PRR20G: variants seen among roughly 807,000 people sequenced by gnomAD.
PRR20G encodes the protein proline rich 20G.
intron 2 of PRR20G, among the ~76,000 whole-genome samples, chr3:127,287,052 G>A (rs997096160): frequency 6.6e-5 from 10 of 152,074 alleles, no homozygotes; most frequent in South Asian, 2.1e-4. Flanking sequence ...CTACTCTAGC[G>A]GGAAGACCAT....
At chr3:127,287,093 A>T (rs2080391349) in intron 2 of PRR20G, among the ~76,000 whole-genome samples, 1 of 152,168 alleles carries the variant, frequency 6.6e-6, no homozygotes, top group Non-Finnish European at 1.5e-5. Context: ...AAGAAATAGC[A>T]GTAGGGTACG....
At chr3:127,286,014 T>C (rs1317825675) in intron 2 of PRR20G, among the ~76,000 whole-genome samples, 1 of 152,136 alleles carries the variant, frequency 6.6e-6, no homozygotes, top group Non-Finnish European at 1.5e-5. Flanking sequence ...CATGGAAATT[T>C]TGGAGGATAA....
rs2080373188 is a variant in PRR20G at position 127,283,853 on chromosome 3, C to A, written c.*207G>T. 6.6e-6 allele frequency among the ~76,000 whole-genome samples: 1 copy of A among 152,080 alleles called. No individual in the cohort carries two copies. Among genetic ancestry groups the A allele is most frequent in the Non-Finnish European group, 1.5e-5 (1 of 68,036 alleles). On this transcript the variant is annotated 3_prime_UTR_variant, in exon 3 of 3. Coordinates refer to ENST00000465482, the MANE Select transcript of PRR20G (RefSeq NM_001362810.2). ...GCATGTGTATTTTTGACAGAACATA[C>A]AAAGCGGAGGCAAGAGGGGAATTGG... is the stretch of plus-strand genomic sequence containing the variant.
At chr3:127,286,015 T>C (rs542503428) in intron 2 of PRR20G, among the ~76,000 whole-genome samples, 2 of 152,266 alleles carry the variant, frequency 1.3e-5, no homozygotes, top group East Asian at 3.9e-4. Flanking sequence ...ATGGAAATTT[T>C]GGAGGATAAA....
At chr3:127,286,121 G>C (rs1274413516) in intron 2 of PRR20G, among the ~76,000 whole-genome samples, 1 of 152,116 alleles carries the variant, frequency 6.6e-6, no homozygotes, top group African/African-American at 2.4e-5. Context: ...TTGTTACTGA[G>C]ACACATCCCC....
At chr3:127,285,333 G>A (rs541389250) in intron 2 of PRR20G, among the ~76,000 whole-genome samples, 31 of 152,260 alleles carry the variant, frequency 2.0e-4, no homozygotes, top group South Asian at 6.2e-4. Context: ...AGGCAAAGGC[G>A]GGAGAGGATT....
Position 127,287,968 on chromosome 3 carries a change from C to A in PRR20G, c.-97G>T, listed in dbSNP as rs921710255. Among the ~76,000 whole-genome samples the A allele has an allele frequency of 5.3e-5, 8 of 152,074 alleles. No individual in the cohort carries two copies. The highest frequency in any genetic ancestry group is 2.1e-4 in the South Asian group (1 of 4,818). On this transcript the variant is annotated 5_prime_UTR_variant, in exon 1 of 3. Transcript: ENST00000465482. ...GATCACGGCTATGGCTCCGACGTCG[C>A]CCTCAAATGCGCCCCCTACCAGGCA... is the stretch of plus-strand genomic sequence containing the variant.
Position 127,284,155 on chromosome 3 carries a change from G to C in PRR20G, c.538C>G (p.Pro180Ala), listed in dbSNP as rs968575570. ...CACAAAGTAGATGAGCCACCCGGAG[G>C]CCTGAAACTGAGGGAGGGAGAGGGG... ...LAPSPSLSFR[P>A]PGGSSTLCIV... is the part of the protein sequence containing the mutation. The change falls in exon 3 of 3, where the codon CCT (proline) becomes GCT (alanine). Residue 180 changes from proline to alanine, a missense_variant. Physicochemically the swap from Pro to Ala is conservative, Grantham distance 27 (BLOSUM62 -1). Coordinates refer to ENST00000465482, the MANE Select transcript of PRR20G (RefSeq NM_001362810.2). The C allele has an allele frequency of 2.6e-5, 4 of 152,490 alleles. No individual in the cohort carries two copies. Among genetic ancestry groups the C allele is most frequent in the Non-Finnish European group, 1.5e-5 (1 of 68,270 alleles). 9.4% of individuals were successfully genotyped at this position (152,490 alleles called of 1,614,324 possible). A position where few individuals can be genotyped will look rare whatever the true frequency, so the allele number is the denominator to read the frequency against.
At chr3:127,287,094 G>C (rs2080391361) in intron 2 of PRR20G, among the ~76,000 whole-genome samples, 1 of 152,152 alleles carries the variant, frequency 6.6e-6, no homozygotes. Flanking sequence ...AGAAATAGCA[G>C]TAGGGTACGC....
In PRR20G at chr3:127,284,628, G is replaced by A; in HGVS notation, c.65C>T (p.Pro22Leu). 6.4e-6 allele frequency: 1 copy of A among 156,898 alleles called. No homozygotes were observed. The allele number at this position is 156,898 out of a possible 1,614,324, so 9.7% of individuals were successfully genotyped here. A position where few individuals can be genotyped will look rare whatever the true frequency, so the allele number is the denominator to read the frequency against. Residue 22 changes from proline (P) to leucine (L), a missense_variant, in exon 3 of 3, where the codon CCT becomes CTT. By Grantham distance (98) the Pro-to-Leu change is moderately conservative. Coordinates refer to ENST00000465482, the MANE Select transcript of PRR20G (RefSeq NM_001362810.2). ...ACCAGAGCAGCCTGGCTCTGTAGGAGGCCCACCTGAAGCTAAAAGAGAAGC... is the reference window on the plus strand; with the variant it reads ...ACCAGAGCAGCCTGGCTCTGTAGGAAGCCCACCTGAAGCTAAAAGAGAAGC... The part of the protein sequence containing the change: ...FLAPNQASGG[P>L]PTEPGCSGVD...
rs543470703 is a variant in PRR20G at position 127,285,261 on chromosome 3, A to G, written c.53-621T>C. ...AACATGTATTGGGAAGGAGATGATC[A>G]GAAAGTCTTATTGGAGAAGTTAACC... is the stretch of plus-strand genomic sequence containing the variant. On this transcript the variant is annotated intron_variant, in intron 2 of 2. Transcript: ENST00000465482. 1.8e-4 allele frequency among the ~76,000 whole-genome samples: 28 copies of G among 152,356 alleles called. No individual in the cohort carries two copies. In the South Asian group the frequency reaches 5.4e-3, roughly 29 times the overall value.
intron 2 of PRR20G, among the ~76,000 whole-genome samples, chr3:127,285,066 C>G (rs186835848): frequency 6.6e-6 from 1 of 152,172 alleles, no homozygotes; most frequent in African/African-American, 2.4e-5. Context: ...AGGGAGGTGG[C>G]TCCATATCCA....
Position 127,283,860 on chromosome 3 carries a change from G to A in PRR20G, c.*200C>T, listed in dbSNP as rs2080373236. 6.6e-6 allele frequency among the ~76,000 whole-genome samples: 1 copy of A among 152,158 alleles called. No homozygotes were observed. The highest frequency in any genetic ancestry group is 1.5e-5 in the Non-Finnish European group (1 of 68,024). On this transcript the variant is annotated 3_prime_UTR_variant, in exon 3 of 3. Coordinates refer to ENST00000465482, the MANE Select transcript of PRR20G (RefSeq NM_001362810.2). ...TATTTTTGACAGAACATACAAAGCGGAGGCAAGAGGGGAATTGGAAGCAGA... is the reference window on the plus strand; with the variant it reads ...TATTTTTGACAGAACATACAAAGCGAAGGCAAGAGGGGAATTGGAAGCAGA...
chr3:127,286,511 A>G (rs1262292569), intron 2 of PRR20G, among the ~76,000 whole-genome samples: 2 of 152,242 alleles, frequency 1.3e-5, no homozygotes, highest in African/African-American at 4.8e-5. Flanking sequence ...TAATTTGGCA[A>G]TGGCCATCAA....
In PRR20G at chr3:127,287,913, A is replaced by AGAG. The variant is rs1258443573; in HGVS notation, c.-45_-43dup. ...CTGCAGCTGGCTCTCTTCTATGGGG[A>AGAG]GAGGCCTGAGGAGCTGGAGGTGTCC... is the stretch of plus-strand genomic sequence containing the variant. On this transcript the variant is annotated 5_prime_UTR_variant, in exon 1 of 3. Coordinates refer to ENST00000465482, the MANE Select transcript of PRR20G (RefSeq NM_001362810.2). Among the ~76,000 whole-genome samples the AGAG allele has an allele frequency of 6.6e-6, 1 of 151,632 alleles. No individual in the cohort carries two copies. Among genetic ancestry groups the AGAG allele is most frequent in the African/African-American group, 2.4e-5 (1 of 41,388 alleles).
Position 127,284,433 on chromosome 3 carries a change from C to T in PRR20G, c.260G>A (p.Gly87Glu), listed in dbSNP as rs954521883. Residue 87 changes from glycine to glutamate, a missense_variant, in exon 3 of 3, where the codon GGG becomes GAG. By Grantham distance (98) the Gly-to-Glu change is moderately conservative (BLOSUM62 -2). Transcript: ENST00000465482. ...RAGRGRGSGA[G>E]LLRALGERVG... is the part of the protein sequence containing the mutation. ...TCTCTCGCCCAGGGCCCTGAGAAGCCCAGCCCCACTGCCGCGGCCTCGACC... is the reference window on the plus strand; with the variant it reads ...TCTCTCGCCCAGGGCCCTGAGAAGCTCAGCCCCACTGCCGCGGCCTCGACC... The T allele has an allele frequency of 3.9e-5, 6 of 153,416 alleles. No homozygotes were observed. The highest frequency in any genetic ancestry group is 1.4e-4 in the African/African-American group (6 of 41,466). 9.5% of individuals were successfully genotyped at this position (153,416 alleles called of 1,614,324 possible). A position where few individuals can be genotyped will look rare whatever the true frequency, so the allele number is the denominator to read the frequency against.
chr3:127,284,518 G>T lies in PRR20G; in HGVS notation c.175C>A (p.Arg59Ser). 6.4e-6 allele frequency: 1 copy of T among 156,554 alleles called. No homozygotes were observed. The highest frequency in any genetic ancestry group is 1.7e-4 in the South Asian group (1 of 5,728). The allele number at this position is 156,554 out of a possible 1,614,324, so 9.7% of individuals were successfully genotyped here. ...VKPMRREPPARAQPAPPAGRG... is the reference protein window; with the variant it reads ...VKPMRREPPASAQPAPPAGRG... ...CCTGCAGGAGGAGCTGGCTGTGCGC[G>T]AGCTGGGGGCTCCCGTCTCATGGGT... Residue 59 changes from arginine to serine, a missense_variant, in exon 3 of 3, where the codon CGC becomes AGC. Transcript: ENST00000465482.
chr3:127,287,523 C>T (rs2080393353), intron 1 of PRR20G, among the ~76,000 whole-genome samples, 151 bp from the exon 2 acceptor site: 2 of 152,126 alleles, frequency 1.3e-5, no homozygotes, highest in African/African-American at 4.8e-5. Context: ...GCACTGAGCC[C>T]GCGGGGCGCA....
chr3:127,286,362 G>T (rs868240661), intron 2 of PRR20G, among the ~76,000 whole-genome samples: 2 of 152,172 alleles, frequency 1.3e-5, no homozygotes, highest in Admixed American at 6.5e-5. Flanking sequence ...TATCCCTTAG[G>T]AATCAGAATG....
Sources: gnomAD v4.1 joint callset for allele counts (sites outside exome capture counted in the v4.1 genomes callset) on GRCh38, gnomAD v4.1.1 for gene constraint, MANE v1.5 for transcripts, NCBI Gene and HGNC (gene_info 2026-07-23, HGNC 2026-07-21) for gene names.